Variants in SORCS3 observed in about 807,000 individuals in gnomAD.
The protein encoded by SORCS3 is VPS10 domain-containing receptor SorCS3.
A neutral mutation model predicts 146.3 loss-of-function variants in SORCS3; 57 were observed. That is an observed-to-expected ratio of 0.39 (90% confidence interval 0.31 to 0.49). SORCS3 has a LOEUF of 0.49. SORCS3 is among the 20% of genes least tolerant of loss of function. The pLI is 0.92. For synonymous variants in SORCS3, 653 were observed against 618.5 expected (o/e 1.06, Z -0.83); for missense variants, 1,341 against 1,575.5 (o/e 0.85, Z 2.52).
intron 3 of SORCS3, among the ~76,000 whole-genome samples, chr10:104,974,386 G>C (rs550182025): frequency 6.6e-6 from 1 of 152,184 alleles, no homozygotes; most frequent in African/African-American, 2.4e-5. Flanking sequence ...CTCCTGTATT[G>C]GGTGCATGTA....
intron 16 of SORCS3, among the ~76,000 whole-genome samples, chr10:105,209,068 A>G (rs1483348594): frequency 1.3e-5 from 2 of 152,202 alleles, no homozygotes; most frequent in Admixed American, 1.3e-4. Context: ...TGCAGTCCAC[A>G]TTGTAGCATC....
rs185721371 is a variant in SORCS3 at position 104,983,644 on chromosome 10, C to T, written c.954+6151C>T. ...TATGAGCTGACCTTGTCTTTATGTA[C>T]GTGCTGTTTTTTTCTGTTAATAACA... is the stretch of plus-strand genomic sequence containing the variant. On this transcript the variant is annotated intron_variant, in intron 4 of 26. Coordinates refer to ENST00000369701, the MANE Select transcript of SORCS3 (RefSeq NM_014978.3). 6.8e-4 allele frequency among the ~76,000 whole-genome samples: 103 copies of T among 152,158 alleles called. 1 individual carries two copies. The highest frequency in any genetic ancestry group is 1.2e-3 in the Non-Finnish European group (83 of 68,004).
At chr10:104,675,703 G>T (rs1401470269) in intron 1 of SORCS3, among the ~76,000 whole-genome samples, 1 of 152,104 alleles carries the variant, frequency 6.6e-6, no homozygotes, top group Non-Finnish European at 1.5e-5. Flanking sequence ...CTTTCTATTT[G>T]GTTCCATTGC....
chr10:104,861,231 A>G lies in SORCS3; in HGVS notation c.695+18372A>G, dbSNP rs546600508. Among the ~76,000 whole-genome samples, 261 of 152,016 alleles carry G rather than the reference A, an allele frequency of 1.7e-3. 3 individuals carry two copies. Among genetic ancestry groups the G allele is most frequent in the African/African-American group, 6.0e-3 (250 of 41,436 alleles). On this transcript the variant is annotated intron_variant, in intron 2 of 26. Coordinates refer to ENST00000369701, the MANE Select transcript of SORCS3 (RefSeq NM_014978.3). ...TTACCTGTACCTGCTTAATGTGCAC[A>G]CCCTTGGGAGTCTCTGTACAGAGAA...
intron 1 of SORCS3, among the ~76,000 whole-genome samples, chr10:104,769,391 C>A (rs2017221193): frequency 6.6e-6 from 1 of 152,184 alleles, no homozygotes; most frequent in Non-Finnish European, 1.5e-5. Flanking sequence ...AGTTTCAGAA[C>A]CTGAGTATCT....
At chr10:104,772,239 A>C (rs2017258165) in intron 1 of SORCS3, among the ~76,000 whole-genome samples, 1 of 148,018 alleles carries the variant, frequency 6.8e-6, no homozygotes, top group South Asian at 2.2e-4. Context: ...GGGATTGTGC[A>C]GCAGGGGTGG....
At chr10:105,109,894 T>C (rs1216324797) in intron 7 of SORCS3, among the ~76,000 whole-genome samples, 1 of 152,098 alleles carries the variant, frequency 6.6e-6, no homozygotes, top group Non-Finnish European at 1.5e-5. Flanking sequence ...ATTAATTTTT[T>C]TGTTAAATAG....
chr10:104,672,466 G>A (rs1323677714), intron 1 of SORCS3, among the ~76,000 whole-genome samples: 4 of 151,700 alleles, frequency 2.6e-5, no homozygotes, highest in South Asian at 2.1e-4. Flanking sequence ...TTCTCTGATC[G>A]CTGTTCTGAC....
In SORCS3 at chr10:105,214,447, G is replaced by A. The variant is rs768264793; in HGVS notation, c.2381G>A (p.Arg794Gln). 2 of 1,613,918 alleles carry A rather than the reference G, an allele frequency of 1.2e-6. No individual in the cohort carries two copies. Among genetic ancestry groups the A allele is most frequent in the Non-Finnish European group, 1.7e-6 (2 of 1,179,964 alleles). ...CAATTGTCAATTCTACTTAGGTATCGGCGGATTGTGTCCAACAACTGCACA... is the reference window on the plus strand; with the variant it reads ...CAATTGTCAATTCTACTTAGGTATCAGCGGATTGTGTCCAACAACTGCACA... ...GQSYLNSTGY[R>Q]RIVSNNCTDG... The change falls in exon 18 of 27, where the codon CGG (arginine) becomes CAG (glutamine). Residue 794 changes from arginine (R) to glutamine (Q), a missense_variant. By Grantham distance (43) the Arg-to-Gln change is conservative (BLOSUM62 1). Transcript: ENST00000369701.
rs559594846 is a variant in SORCS3, at chr10:104,777,424, G to A, written c.628-65368G>A. ...ACTTCCCACTGCCCCATTCCAACCTGCTGTAGCTCAGTGAGGGGTGTGAGC... is the reference window on the plus strand; with the variant it reads ...ACTTCCCACTGCCCCATTCCAACCTACTGTAGCTCAGTGAGGGGTGTGAGC... On this transcript the variant is annotated intron_variant, in intron 1 of 26. Coordinates refer to ENST00000369701, the MANE Select transcript of SORCS3 (RefSeq NM_014978.3). Among the ~76,000 whole-genome samples the A allele has an allele frequency of 3.9e-5, 6 of 152,278 alleles. No homozygotes were observed. The South Asian group carries it at 1.2e-3, about 32-fold the overall frequency.
intron 3 of SORCS3, among the ~76,000 whole-genome samples, chr10:104,975,758 A>G (rs914228558): frequency 3.3e-5 from 5 of 152,224 alleles, no homozygotes; most frequent in African/African-American, 4.8e-5. Flanking sequence ...ATAAAGCCAC[A>G]TATCTACAAC....
chr10:105,110,291 T>C (rs1035038549), intron 7 of SORCS3, among the ~76,000 whole-genome samples: 27 of 152,066 alleles, frequency 1.8e-4, no homozygotes, highest in African/African-American at 6.5e-4. Context: ...CTTATAGAGG[T>C]GAGCTCTTCA....
chr10:104,897,219 A>G (rs796330089), intron 2 of SORCS3, among the ~76,000 whole-genome samples: 1 of 152,212 alleles, frequency 6.6e-6, no homozygotes, highest in Non-Finnish European at 1.5e-5. Context: ...CTGTGGGCCT[A>G]TCATGTTTTC....
intron 9 of SORCS3, among the ~76,000 whole-genome samples, chr10:105,151,444 A>G (rs2056167008): frequency 6.6e-6 from 1 of 152,104 alleles, no homozygotes; most frequent in African/African-American, 2.4e-5. Flanking sequence ...GTGCCAGGTT[A>G]ATTTGTAACT....
At chr10:104,756,088 T>C (rs2017046864) in intron 1 of SORCS3, among the ~76,000 whole-genome samples, 1 of 152,182 alleles carries the variant, frequency 6.6e-6, no homozygotes, top group Non-Finnish European at 1.5e-5. Context: ...CATTAAGTTA[T>C]TATGTGGCTC....
chr10:104,924,558 A>T (rs1223620215), intron 3 of SORCS3, among the ~76,000 whole-genome samples: 1 of 152,208 alleles, frequency 6.6e-6, no homozygotes, highest in East Asian at 1.9e-4. Context: ...CTTGCATTCA[A>T]AACTGCCCAG....
chr10:104,656,359 C>A (rs1245625322), intron 1 of SORCS3, among the ~76,000 whole-genome samples: 1 of 152,008 alleles, frequency 6.6e-6, no homozygotes, highest in Non-Finnish European at 1.5e-5. Context: ...GTTCTTTATC[C>A]CAACAGCAAA....
chr10:104,933,533 C>G (rs558194332), intron 3 of SORCS3, among the ~76,000 whole-genome samples: 143 of 152,112 alleles, frequency 9.4e-4, no homozygotes, highest in Non-Finnish European at 1.4e-3. Flanking sequence ...TAAGCACAGG[C>G]CCACACAGAG....
chr10:104,724,489 G>A (rs1357786944), intron 1 of SORCS3, among the ~76,000 whole-genome samples: 12 of 151,920 alleles, frequency 7.9e-5, no homozygotes, highest in East Asian at 7.7e-4. Flanking sequence ...TCTTTGTGGC[G>A]TTCTCTGTAT....
Sources: allele counts gnomAD v4.1 joint callset (sites outside exome capture counted in the v4.1 genomes callset), GRCh38; gene constraint gnomAD v4.1.1; transcripts MANE v1.5; gene names NCBI Gene and HGNC (gene_info 2026-07-23, HGNC 2026-07-21).